MIER1: variants seen among roughly 807,000 people sequenced by gnomAD.
MIER1 encodes MIER1 transcriptional regulator, also known as mesoderm induction early response protein 1.
A neutral mutation model predicts 75.7 loss-of-function variants in MIER1; 40 were observed. That is an observed-to-expected ratio of 0.53 (90% CI 0.41 to 0.69). The LOEUF (loss-of-function observed/expected upper bound fraction) is 0.69, where lower values mean the gene tolerates loss of function less well. Among genes scored for constraint, MIER1 ranks in the 30% least tolerant of loss-of-function variants. The probability of loss-of-function intolerance (pLI) is 0.00; values close to 1 mark genes in which losing one functional copy is unlikely to be tolerated. For synonymous variants in MIER1, 213 were observed against 223.4 expected (o/e 0.95, Z 0.42); for missense variants, 574 against 680.2 (o/e 0.84, Z 1.74).
chr1:66,960,521 T>C (rs1449726278), intron 7 of MIER1, among the ~76,000 whole-genome samples: 1 of 152,156 alleles, frequency 6.6e-6, no homozygotes, highest in Non-Finnish European at 1.5e-5. Flanking sequence ...CTAAACATTA[T>C]GTAGAATTAG....
intron 2 of MIER1, among the ~76,000 whole-genome samples, chr1:66,936,863 G>A (rs916351139): frequency 3.5e-4 from 53 of 151,788 alleles, no homozygotes; most frequent in African/African-American, 9.7e-5. Flanking sequence ...GCCAGACGTG[G>A]TGGTGTGCAC....
chr1:66,971,830 T>A (rs965998081), intron 10 of MIER1, 94 bp downstream of exon 10: 1 of 598,520 alleles, frequency 1.7e-6, no homozygotes, highest in Admixed American at 3.1e-5. Flanking sequence ...TTAATAATAC[T>A]GATTTTTCTG....
At chr1:66,953,627 A>G (rs1659482830) in intron 4 of MIER1, among the ~76,000 whole-genome samples, 1 of 149,182 alleles carries the variant, frequency 6.7e-6, no homozygotes, top group Admixed American at 6.7e-5. Flanking sequence ...TTCTTGAGAC[A>G]GGGTCTCACT....
intron 8 of MIER1, among the ~76,000 whole-genome samples, chr1:66,966,510 CT>C (rs1464964107): frequency 6.6e-6 from 1 of 152,160 alleles, no homozygotes; most frequent in African/African-American, 2.4e-5. Flanking sequence ...GTGCATGTGT[CT>C]TTATAGCAGC....
chr1:66,977,341 C>T (rs537579820), intron 12 of MIER1, among the ~76,000 whole-genome samples: 3 of 152,096 alleles, frequency 2.0e-5, no homozygotes, highest in Admixed American at 2.0e-4. Context: ...AACTCCTGAC[C>T]TCAAATGATC....
chr1:66,967,878 G>A (rs1453987446), intron 8 of MIER1, among the ~76,000 whole-genome samples: 1 of 152,032 alleles, frequency 6.6e-6, no homozygotes. Context: ...GAATTTGTCA[G>A]TTCTAATAGT....
At chr1:66,937,638 G>A (rs1187224981) in intron 2 of MIER1, among the ~76,000 whole-genome samples, 1 of 152,076 alleles carries the variant, frequency 6.6e-6, no homozygotes, top group Non-Finnish European at 1.5e-5. Flanking sequence ...TAAGCTGGAT[G>A]TACTATTTTA....
At chr1:66,971,026 C>A in intron 9 of MIER1, 67 bp downstream of exon 9, 1 of 1,422,780 alleles carries the variant, frequency 7.0e-7, no homozygotes, top group Non-Finnish European at 9.4e-7. Flanking sequence ...CTGTCACTTG[C>A]ATTGTTGTTA....
intron 12 of MIER1, among the ~76,000 whole-genome samples, chr1:66,981,115 A>T (rs1037861847): frequency 2.0e-5 from 3 of 152,168 alleles, no homozygotes; most frequent in Non-Finnish European, 2.9e-5. Context: ...TACATTTTGT[A>T]GGTGATACAC....
chr1:66,933,847 C>G (rs1654031363), intron 2 of MIER1, among the ~76,000 whole-genome samples: 1 of 152,106 alleles, frequency 6.6e-6, no homozygotes, highest in Non-Finnish European at 1.5e-5. Context: ...TAAGATAATT[C>G]TGGTAAGTGA....
chr1:66,954,871 T>G (rs1217478479), intron 4 of MIER1, among the ~76,000 whole-genome samples: 1 of 152,086 alleles, frequency 6.6e-6, no homozygotes, highest in Non-Finnish European at 1.5e-5. Context: ...CATGCCTGGC[T>G]AATTGTTTTG....
intron 8 of MIER1, among the ~76,000 whole-genome samples, chr1:66,967,924 A>G (rs1285757395): frequency 1.3e-5 from 2 of 152,116 alleles, no homozygotes; most frequent in African/African-American, 4.8e-5. Context: ...CAAATACAAG[A>G]TCATATCATC....
At chr1:66,951,248 C>T (rs2101592521) in intron 4 of MIER1, among the ~76,000 whole-genome samples, 1 of 152,296 alleles carries the variant, frequency 6.6e-6, no homozygotes, top group Non-Finnish European at 1.5e-5. Flanking sequence ...ACCTGCCTCA[C>T]CTCCCACGTA....
intron 13 of MIER1, 131 bp from the exon 14 acceptor site, chr1:66,984,439 AAT>A: frequency 1.6e-6 from 1 of 635,506 alleles, no homozygotes; most frequent in Non-Finnish European, 2.6e-6. Context: ...GCTTATAAGT[AAT>A]AGAGCAAGAA....
chr1:66,985,589 A>G lies in MIER1; in HGVS notation c.*689A>G. On this transcript the variant is annotated 3_prime_UTR_variant, in exon 14 of 14. Coordinates refer to ENST00000401041, the MANE Select transcript of MIER1 (RefSeq NM_001077700.3). The stretch of plus-strand genomic sequence containing the variant: ...TCTTTGTAGCCTTTGAAAGATTTTT[A>G]CAGTACATATGTCTTGACTGAGCTG... 1.0e-6 allele frequency: 1 copy of G among 985,342 alleles called. No homozygotes were observed. The highest frequency in any genetic ancestry group is 1.2e-6 in the Non-Finnish European group (1 of 829,790). 61.0% of individuals were successfully genotyped at this position (985,342 alleles called of 1,614,324 possible).
At chr1:66,934,572 CT>C (rs34540359) in intron 2 of MIER1, among the ~76,000 whole-genome samples, 46 of 138,236 alleles carry the variant, frequency 3.3e-4, no homozygotes, top group Admixed American at 5.0e-4. Flanking sequence ...TCATGCCCGG[CT>C]TTTTTTTTTT....
intron 4 of MIER1, among the ~76,000 whole-genome samples, chr1:66,948,681 C>T (rs1165604870): frequency 6.6e-6 from 1 of 152,156 alleles, no homozygotes; most frequent in Non-Finnish European, 1.5e-5. Flanking sequence ...TTACTTGAGG[C>T]CTGGAGGTCA....
At chr1:66,933,215 GAAAATGAGAGAA>G (rs1445874035) in intron 2 of MIER1, among the ~76,000 whole-genome samples, 2 of 152,078 alleles carry the variant, frequency 1.3e-5, no homozygotes, top group Non-Finnish European at 2.9e-5. Flanking sequence ...AAAATAAGAG[GAAAATGAGAGAA>G]AAAATGAGAG....
chr1:66,961,710 G>T (rs576219605), intron 7 of MIER1, among the ~76,000 whole-genome samples: 2 of 152,272 alleles, frequency 1.3e-5, no homozygotes, highest in African/African-American at 4.8e-5. Context: ...CCCAGCCAGG[G>T]TTAGTAACTT....
Sources: gnomAD v4.1 joint callset for allele counts (sites outside exome capture counted in the v4.1 genomes callset) on GRCh38, gnomAD v4.1.1 for gene constraint, MANE v1.5 for transcripts, NCBI Gene and HGNC (gene_info 2026-07-23, HGNC 2026-07-21) for gene names.